EPHA6: variants seen among roughly 807,000 people sequenced by gnomAD.
The protein encoded by EPHA6 is ephrin type-A receptor 6.
Under a neutral mutation model 112.0 loss-of-function variants are expected in EPHA6, and 50 were observed. The ratio of observed to expected loss-of-function variants is 0.45; its 90% CI spans 0.36 to 0.56. The LOEUF (loss-of-function observed/expected upper bound fraction) is 0.56. EPHA6 is among the 20% of genes least tolerant of loss of function. The probability of loss-of-function intolerance (pLI) is 0.00; values close to 1 mark genes in which losing one functional copy is unlikely to be tolerated. For missense variants in EPHA6, 1,280 were observed against 1,417.4 expected (o/e 0.90, Z 1.56); for synonymous variants, 529 against 490.7 (o/e 1.08, Z -1.03).
intron 3 of EPHA6, among the ~76,000 whole-genome samples, chr3:97,080,749 T>C (rs909284205): frequency 6.6e-6 from 1 of 152,056 alleles, no homozygotes; most frequent in Admixed American, 6.6e-5. Flanking sequence ...TTTTGCTTGT[T>C]TGAATTTCCT....
At chr3:97,745,305 G>C (rs1010165508) in intron 16 of EPHA6, 1 of 427,542 alleles carries the variant, frequency 2.3e-6, no homozygotes, top group African/African-American at 2.1e-5. Context: ...AGTATTTGTT[G>C]GTAGATGCTA....
At chr3:97,726,628 C>T (rs1381184320) in intron 15 of EPHA6, among the ~76,000 whole-genome samples, 6 of 151,960 alleles carry the variant, frequency 3.9e-5, no homozygotes, top group Non-Finnish European at 4.4e-5. Context: ...TGTTTTCTAG[C>T]GTATGAAGAT....
rs2046199887 is a variant in EPHA6 at position 97,067,013 on chromosome 3, T to C, written c.1114+79020T>C. Among the ~76,000 whole-genome samples, 8 of 152,178 alleles carry C rather than the reference T, an allele frequency of 5.3e-5. No individual in the cohort carries two copies. In the South Asian group the frequency reaches 1.7e-3, roughly 31 times the overall value. Reference sequence around the variant, plus strand: ...CTCTCTTTTTTTAATCTGAGATCTCTCAGAATGGTATTTAATGTAATGTGG... The same window carrying C: ...CTCTCTTTTTTTAATCTGAGATCTCCCAGAATGGTATTTAATGTAATGTGG... On this transcript the variant is annotated intron_variant, in intron 3 of 17. Transcript: ENST00000389672.
chr3:97,333,547 C>T (rs1279168626), intron 5 of EPHA6, among the ~76,000 whole-genome samples: 1 of 143,226 alleles, frequency 7.0e-6, no homozygotes, highest in Non-Finnish European at 1.5e-5. Context: ...AATCATGGCT[C>T]ACTGTACCCT....
intron 13 of EPHA6, among the ~76,000 whole-genome samples, chr3:97,613,005 C>T (rs748221435): frequency 6.6e-6 from 1 of 151,998 alleles, no homozygotes; most frequent in Admixed American, 6.6e-5. Context: ...CCACTACCAT[C>T]TCCTCATGGT....
chr3:97,544,019 C>T (rs1389616406), intron 11 of EPHA6, among the ~76,000 whole-genome samples: 2 of 152,186 alleles, frequency 1.3e-5, no homozygotes, highest in Non-Finnish European at 2.9e-5. Context: ...TCTGGATATA[C>T]AATCATGTCA....
intron 5 of EPHA6, among the ~76,000 whole-genome samples, chr3:97,306,881 C>G (rs546308605): frequency 3.3e-5 from 5 of 151,046 alleles, no homozygotes; most frequent in Non-Finnish European, 5.9e-5. Flanking sequence ...ACTCATTTGT[C>G]ACCTACATTT....
intron 5 of EPHA6, among the ~76,000 whole-genome samples, chr3:97,263,444 C>CACACAT (rs1356859794): frequency 6.6e-6 from 1 of 151,314 alleles, no homozygotes; most frequent in African/African-American, 2.4e-5. Context: ...GATACACACA[C>CACACAT]ACACACACAC....
intron 2 of EPHA6, among the ~76,000 whole-genome samples, chr3:96,904,651 T>A (rs1432016411): frequency 6.6e-6 from 1 of 152,134 alleles, no homozygotes; most frequent in Non-Finnish European, 1.5e-5. Context: ...TGTTGAAGTT[T>A]ATTTTATTGA....
At chr3:96,904,903 CG>C (rs2038845694) in intron 2 of EPHA6, among the ~76,000 whole-genome samples, 1 of 151,996 alleles carries the variant, frequency 6.6e-6, no homozygotes, top group Admixed American at 6.6e-5. Flanking sequence ...AAATTGTAAA[CG>C]GACAACACTG....
At chr3:97,063,830 T>C (rs569862556) in intron 3 of EPHA6, among the ~76,000 whole-genome samples, 16 of 152,158 alleles carry the variant, frequency 1.1e-4, no homozygotes, top group Non-Finnish European at 1.9e-4. Flanking sequence ...TAAAATCATG[T>C]CAGCTGGTAA....
At chr3:97,263,826 T>G (rs115445710) in intron 5 of EPHA6, among the ~76,000 whole-genome samples, 1,818 of 152,278 alleles carry the variant, frequency 0.012, 27 homozygotes, top group African/African-American at 0.041. Context: ...CAAAGGTCTC[T>G]GGCTCCTGGT....
intron 5 of EPHA6, among the ~76,000 whole-genome samples, chr3:97,301,789 A>G (rs1301975597): frequency 6.6e-6 from 1 of 152,144 alleles, no homozygotes; most frequent in Non-Finnish European, 1.5e-5. Flanking sequence ...CTTGGCCAAA[A>G]TAAATGCTAC....
At chr3:97,470,384 C>T (rs1036279230) in intron 7 of EPHA6, among the ~76,000 whole-genome samples, 2 of 151,600 alleles carry the variant, frequency 1.3e-5, no homozygotes, top group South Asian at 4.1e-4. Flanking sequence ...TTTAAAAATT[C>T]ATATTAACTA....
chr3:97,645,254 T>C lies in EPHA6; in HGVS notation c.2784+7172T>C, dbSNP rs182481. Among the ~76,000 whole-genome samples the C allele has an allele frequency of 4.8e-5, 7 of 146,248 alleles. No individual in the cohort carries two copies. The South Asian group carries it at 6.8e-4, about 14-fold the overall frequency. On this transcript the variant is annotated intron_variant, in intron 14 of 17. Coordinates refer to ENST00000389672, the MANE Select transcript of EPHA6 (RefSeq NM_001080448.3). ...GGCATTATTCACAATAGCAAAGACT[T>C]GGAACCAACCCAAATGTCCAACAAT...
chr3:97,025,652 G>A (rs752718962), intron 3 of EPHA6, among the ~76,000 whole-genome samples: 93 of 152,038 alleles, frequency 6.1e-4, no homozygotes, highest in South Asian at 4.2e-4. Flanking sequence ...GCAGTGGCGC[G>A]ATCTCCGCTC....
At chr3:96,979,937 G>C (rs1273743429) in intron 2 of EPHA6, among the ~76,000 whole-genome samples, 2 of 152,140 alleles carry the variant, frequency 1.3e-5, no homozygotes, top group African/African-American at 4.8e-5. Flanking sequence ...GTTCATTGTA[G>C]ATGCTTGATA....
intron 3 of EPHA6, among the ~76,000 whole-genome samples, chr3:97,173,891 C>G (rs569938607): frequency 1.1e-4 from 17 of 151,688 alleles, no homozygotes; most frequent in Non-Finnish European, 2.2e-4. Flanking sequence ...ACAAACATTC[C>G]AGTTACATTA....
At chr3:97,315,866 G>A (rs2081805616) in intron 5 of EPHA6, among the ~76,000 whole-genome samples, 1 of 151,778 alleles carries the variant, frequency 6.6e-6, no homozygotes, top group Admixed American at 6.6e-5. Context: ...CACACACTGT[G>A]TTCTTCACAC....
Sources: gnomAD v4.1 joint callset for allele counts (sites outside exome capture counted in the v4.1 genomes callset) on GRCh38, gnomAD v4.1.1 for gene constraint, MANE v1.5 for transcripts, NCBI Gene and HGNC (gene_info 2026-07-23, HGNC 2026-07-21) for gene names.